CSMD1: variants seen among roughly 807,000 people sequenced by gnomAD.
The protein encoded by CSMD1 is CUB and sushi domain-containing protein 1.
CSMD1 carries 213 observed loss-of-function variants against 417.5 expected under a neutral mutation model. The observed-to-expected ratio is 0.51, with a 90% CI of 0.46 to 0.57. CSMD1 has a LOEUF of 0.57. Among genes scored for constraint, CSMD1 ranks in the 20% least tolerant of loss-of-function variants. The pLI, the probability that CSMD1 is intolerant of heterozygous loss-of-function variation, is 0.00. For synonymous variants in CSMD1, 2,862 were observed against 1,736.8 expected (o/e 1.65, Z -16.11); for missense variants, 6,923 against 4,529.7 (o/e 1.53, Z -15.17).
At chr8:4,156,397 A>G (rs1275873884) in intron 3 of CSMD1, among the ~76,000 whole-genome samples, 2 of 152,320 alleles carry the variant, frequency 1.3e-5, no homozygotes, top group South Asian at 2.1e-4. Flanking sequence ...AAGTCCATAA[A>G]ATTTCTCAAT....
intron 1 of CSMD1, among the ~76,000 whole-genome samples, chr8:4,718,054 TG>T (rs1336375753): frequency 6.6e-5 from 10 of 152,288 alleles, no homozygotes; most frequent in African/African-American, 2.4e-4. Context: ...CACAGCTCCC[TG>T]CAGCCTCTAC....
intron 1 of CSMD1, among the ~76,000 whole-genome samples, chr8:4,805,485 G>C (rs888826510): frequency 2.0e-5 from 3 of 152,088 alleles, no homozygotes; most frequent in Non-Finnish European, 2.9e-5. Flanking sequence ...AAGTCAGCGA[G>C]TGAAACGCCA....
At chr8:4,057,626 G>C (rs1196462775) in intron 3 of CSMD1, among the ~76,000 whole-genome samples, 1 of 142,624 alleles carries the variant, frequency 7.0e-6, no homozygotes. Flanking sequence ...TGTCCTGAAT[G>C]GTAATGCCTA....
intron 25 of CSMD1, among the ~76,000 whole-genome samples, chr8:3,299,320 C>G (rs1045083012): frequency 4.6e-5 from 7 of 152,078 alleles, no homozygotes; most frequent in Non-Finnish European, 2.9e-5. Context: ...GGCATGGTGG[C>G]AGACACCTGT....
intron 2 of CSMD1, among the ~76,000 whole-genome samples, chr8:4,635,744 G>T (rs760034672): frequency 9.2e-5 from 14 of 152,014 alleles, no homozygotes; most frequent in Admixed American, 2.0e-4. Flanking sequence ...CTTTTAAAGA[G>T]CATAAATTAT....
chr8:4,467,614 A>C (rs536986798), intron 2 of CSMD1, among the ~76,000 whole-genome samples: 42 of 152,328 alleles, frequency 2.8e-4, no homozygotes, highest in African/African-American at 1.0e-3. Flanking sequence ...GCATTATAAC[A>C]ATTCTTTTCA....
chr8:3,223,879 C>A lies in CSMD1; in HGVS notation c.4346-12G>T, dbSNP rs768533648. 1 of 1,613,228 alleles carries A rather than the reference C, an allele frequency of 6.2e-7. No individual in the cohort carries two copies. Among genetic ancestry groups the A allele is most frequent in the Admixed American group, 1.7e-5 (1 of 59,948 alleles). ...CCCTCCACAAGCAGCTGTCACAGAA[C>A]AAAAGTTACAGAGAAAAAGTAAGGA... On this transcript the variant is annotated splice_polypyrimidine_tract_variant and intron_variant, in intron 27 of 69. Coordinates refer to ENST00000635120, the MANE Select transcript of CSMD1 (RefSeq NM_033225.6).
intron 28 of CSMD1, 65 bp downstream of exon 28, chr8:3,223,664 G>C (rs983616847): frequency 2.6e-6 from 4 of 1,542,450 alleles, no homozygotes; most frequent in East Asian, 4.5e-5. Context: ...GGTCATAAAA[G>C]AAGTAATTTT....
At chr8:3,396,858 T>C (rs1028314088) in intron 16 of CSMD1, among the ~76,000 whole-genome samples, 3 of 152,054 alleles carry the variant, frequency 2.0e-5, no homozygotes, top group Admixed American at 2.0e-4. Flanking sequence ...TAAAAATGTG[T>C]GATGAGTTTA....
intron 3 of CSMD1, among the ~76,000 whole-genome samples, chr8:4,378,021 A>G (rs1245280013): frequency 6.6e-6 from 1 of 152,182 alleles, no homozygotes; most frequent in Non-Finnish European, 1.5e-5. Context: ...CTTTATTTGT[A>G]TTCCCTCTAA....
chr8:4,918,181 G>C (rs1461572182), intron 1 of CSMD1, among the ~76,000 whole-genome samples: 3 of 152,202 alleles, frequency 2.0e-5, no homozygotes, highest in Admixed American at 2.0e-4. Context: ...GGTGACTCCT[G>C]AGTTGAAATC....
chr8:3,397,283 G>A (rs1811762165), intron 16 of CSMD1, among the ~76,000 whole-genome samples: 1 of 152,166 alleles, frequency 6.6e-6, no homozygotes, highest in Non-Finnish European at 1.5e-5. Context: ...TGTGCCATTA[G>A]CTCTGTGCTG....
intron 5 of CSMD1, among the ~76,000 whole-genome samples, chr8:3,846,570 G>C (rs1168779125): frequency 6.6e-6 from 1 of 152,176 alleles, no homozygotes; most frequent in African/African-American, 2.4e-5. Context: ...TTTGACTTTA[G>C]ATTAAGTTGA....
At chr8:3,933,437 T>G (rs1158573733) in intron 5 of CSMD1, among the ~76,000 whole-genome samples, 4 of 152,126 alleles carry the variant, frequency 2.6e-5, no homozygotes, top group African/African-American at 9.7e-5. Context: ...AAACATAGAC[T>G]AAGCATTTCC....
intron 3 of CSMD1, among the ~76,000 whole-genome samples, chr8:4,320,976 C>A (rs151223037): frequency 7.2e-5 from 11 of 152,276 alleles, no homozygotes; most frequent in African/African-American, 2.4e-4. Flanking sequence ...CCAGTTTCAG[C>A]ATTGCCTCCT....
intron 41 of CSMD1, among the ~76,000 whole-genome samples, chr8:3,130,414 C>T (rs1817733156): frequency 6.6e-6 from 1 of 152,236 alleles, no homozygotes; most frequent in East Asian, 1.9e-4. Flanking sequence ...CTCTTCACTG[C>T]TTCCCCTGCT....
chr8:4,752,130 A>G (rs971894024), intron 1 of CSMD1, among the ~76,000 whole-genome samples: 1 of 152,126 alleles, frequency 6.6e-6, no homozygotes, highest in African/African-American at 2.4e-5. Context: ...TGTATATATC[A>G]TATATATGTA....
intron 5 of CSMD1, among the ~76,000 whole-genome samples, chr8:3,818,533 A>G (rs1016348797): frequency 6.6e-6 from 1 of 152,078 alleles, no homozygotes; most frequent in Non-Finnish European, 1.5e-5. Context: ...GGGTAGGCTT[A>G]CCCCAAGAAG....
At chr8:4,798,027 T>C (rs1029111540) in intron 1 of CSMD1, among the ~76,000 whole-genome samples, 1 of 152,246 alleles carries the variant, frequency 6.6e-6, no homozygotes, top group South Asian at 2.1e-4. Context: ...TATTTTTTTA[T>C]TATACTTTAA....
Sources: allele counts gnomAD v4.1 joint callset (sites outside exome capture counted in the v4.1 genomes callset), GRCh38; gene constraint gnomAD v4.1.1; transcripts MANE v1.5; gene names NCBI Gene and HGNC (gene_info 2026-07-23, HGNC 2026-07-21).